Variants in CDCP2 observed in about 807,000 individuals in gnomAD.
CDCP2 encodes CUB domain containing protein 2.
In CDCP2, 31 loss-of-function variants were observed where a neutral mutation model predicts 31.0. That is an observed-to-expected ratio of 1.00 (90% CI 0.75 to 1.35). The LOEUF is 1.35. Among genes scored for constraint, CDCP2 ranks in the 40% most tolerant of loss-of-function variants. CDCP2 has a pLI of 0.00. For synonymous variants in CDCP2, 206 were observed against 207.9 expected (o/e 0.99, Z 0.08); for missense variants, 443 against 482.6 (o/e 0.92, Z 0.77).
At chr1:54,141,220 C>T (rs1659365997) in exon 3 of CDCP2, 1 of 1,613,230 alleles carries the variant, frequency 6.2e-7, no homozygotes, top group Non-Finnish European at 8.5e-7. Flanking sequence ...GTAGTGGTGC[C>T]CACGGGTGGG....
chr1:54,139,549 A>G, intron 4 of CDCP2: 1 of 1,613,774 alleles, frequency 6.2e-7, no homozygotes. Context: ...GCTCTGCAAT[A>G]GTGGAAACAA....
In CDCP2 at chr1:54,141,091, C is replaced by G; in HGVS notation, c.763+7G>C. 1 of 1,518,588 alleles carries G rather than the reference C, an allele frequency of 6.6e-7. No homozygotes were observed. Among genetic ancestry groups the G allele is most frequent in the South Asian group, 1.3e-5 (1 of 75,338 alleles). 94.1% of individuals were successfully genotyped at this position (1,518,588 alleles called of 1,614,324 possible). A position where few individuals can be genotyped will look rare whatever the true frequency, so the allele number is the denominator to read the frequency against. On this transcript the variant is annotated splice_region_variant and intron_variant, in intron 3 of 5. Transcript: ENST00000530059. ...AGGATTCAGGGTGGAGCGCCAGCCC[C>G]TCCTACCTGAGAAGTAGTAGGCCTT...
chr1:54,134,178 A>G (rs904389232), intron 5 of CDCP2, among the ~76,000 whole-genome samples: 1 of 152,226 alleles, frequency 6.6e-6, no homozygotes, highest in Non-Finnish European at 1.5e-5. Context: ...ACTTGCCCAG[A>G]GCTAGAGAAG....
intron 1 of CDCP2, among the ~76,000 whole-genome samples, chr1:54,151,234 T>C (rs1046728240): frequency 6.6e-6 from 1 of 152,208 alleles, no homozygotes; most frequent in Non-Finnish European, 1.5e-5. Flanking sequence ...GTGCCTCCCT[T>C]GCTGGGTGAC....
intron 1 of CDCP2, among the ~76,000 whole-genome samples, chr1:54,147,144 G>A (rs1659488942): frequency 1.5e-5 from 2 of 134,552 alleles, no homozygotes; most frequent in Non-Finnish European, 1.6e-5. Context: ...ACTGGCTAAA[G>A]AAGGTACAAT....
chr1:54,135,206 G>A (rs1659238674), intron 5 of CDCP2, among the ~76,000 whole-genome samples: 1 of 151,834 alleles, frequency 6.6e-6, no homozygotes, highest in Non-Finnish European at 1.5e-5. Flanking sequence ...GAAGCTTTAG[G>A]GGGTTTTGAT....
At chr1:54,140,306 T>G in intron 3 of CDCP2, 200 bp from the exon 4 acceptor site, 1 of 598,744 alleles carries the variant, frequency 1.7e-6, no homozygotes, top group Non-Finnish European at 3.0e-6. Flanking sequence ...TGTTTTAAAC[T>G]GCAACTAGCT....
chr1:54,144,551 G>A (rs1406676253), exon 2 of CDCP2: 2 of 1,613,646 alleles, frequency 1.2e-6, no homozygotes, highest in South Asian at 2.2e-5. Flanking sequence ...AGGAGGAGGT[G>A]AAGGGCGGCG....
intron 1 of CDCP2, 23 bp downstream of exon 1, chr1:54,152,821 A>T: frequency 6.2e-7 from 1 of 1,610,376 alleles, no homozygotes; most frequent in South Asian, 1.1e-5. Context: ...CTCTCAGTTC[A>T]TGTCTGTCCC....
chr1:54,150,485 C>G (rs968414467), intron 1 of CDCP2, among the ~76,000 whole-genome samples: 3 of 152,018 alleles, frequency 2.0e-5, no homozygotes, highest in Non-Finnish European at 4.4e-5. Context: ...ATCCCAGCTA[C>G]TCAGGAGGCT....
intron 1 of CDCP2, among the ~76,000 whole-genome samples, chr1:54,152,048 C>T (rs1659592652): frequency 6.6e-6 from 1 of 152,156 alleles, no homozygotes; most frequent in African/African-American, 2.4e-5. Flanking sequence ...GAAACTGAGG[C>T]TCAATACGAT....
At chr1:54,145,392 C>T (rs1195721043) in intron 1 of CDCP2, among the ~76,000 whole-genome samples, 1 of 151,970 alleles carries the variant, frequency 6.6e-6, no homozygotes, top group Non-Finnish European at 1.5e-5. Context: ...TGCCGCTGCA[C>T]TCCAGCCTGG....
exon 1 of CDCP2, chr1:54,152,916 C>T: frequency 6.2e-7 from 1 of 1,614,152 alleles, no homozygotes. Flanking sequence ...CCCCACTCTG[C>T]CAGCATCTCC....
At chr1:54,138,657 A>G (rs1030952025) in intron 4 of CDCP2, 10 of 152,222 alleles carry the variant, frequency 6.6e-5, no homozygotes, top group African/African-American at 2.4e-4. Flanking sequence ...CTCTTGGATG[A>G]TAAGTAAATG....
At chr1:54,140,226 G>A in intron 3 of CDCP2, 120 bp from the exon 4 acceptor site, 1 of 815,072 alleles carries the variant, frequency 1.2e-6, no homozygotes, top group East Asian at 2.6e-5. Flanking sequence ...GCAGGTTGTG[G>A]GCACCATGGC....
At chr1:54,144,410 G>A in intron 2 of CDCP2, 56 bp downstream of exon 2, 1 of 1,461,380 alleles carries the variant, frequency 6.8e-7, no homozygotes, top group Non-Finnish European at 9.2e-7. Context: ...GCTTGCCAAA[G>A]CACCAGGATT....
intron 1 of CDCP2, among the ~76,000 whole-genome samples, chr1:54,151,439 C>A (rs535843932): frequency 6.6e-6 from 1 of 152,170 alleles, no homozygotes; most frequent in Non-Finnish European, 1.5e-5. Context: ...CAGGGAAAGG[C>A]GCCAGAGCAT....
chr1:54,144,555 G>A (rs373279392), exon 2 of CDCP2: 1 of 1,613,732 alleles, frequency 6.2e-7, no homozygotes, highest in African/African-American at 1.3e-5. Flanking sequence ...GGAGGTGAAG[G>A]GCGGCGGGGG....
At position 54,140,108 on chromosome 1, in the gene CDCP2, T is replaced by G; in HGVS notation, c.764-2A>C. The G allele has an allele frequency of 6.2e-7, 1 of 1,612,154 alleles. No homozygotes were observed. Among genetic ancestry groups the G allele is most frequent in the Non-Finnish European group, 8.5e-7 (1 of 1,179,136 alleles). ...CCATGTATACCTCCTGGCATTCTCC[T>G]GGATGGGGGATGGGGAGGTGGAAGG... On this transcript the variant is annotated splice_acceptor_variant, in intron 3 of 5. Transcript: ENST00000530059. LOFTEE classifies it high-confidence loss of function.
Sources: gnomAD v4.1 joint callset for allele counts (sites outside exome capture counted in the v4.1 genomes callset) on GRCh38, gnomAD v4.1.1 for gene constraint, MANE v1.5 for transcripts, NCBI Gene and HGNC (gene_info 2026-07-23, HGNC 2026-07-21) for gene names.